Variants in CRACR2A observed in about 807,000 individuals in gnomAD.
CRACR2A encodes the protein EF-hand calcium-binding domain-containing protein 4B.
A neutral mutation model predicts 90.5 loss-of-function variants in CRACR2A; 79 were observed. The observed-to-expected ratio is 0.87, with a 90% CI of 0.73 to 1.05. The LOEUF is 1.05. Ranked by LOEUF, CRACR2A falls within the 50% of genes least tolerant of loss-of-function variation. CRACR2A has a pLI of 0.00. For missense variants in CRACR2A, 823 were observed against 897.2 expected, an observed-to-expected ratio of 0.92 and a Z score of 1.06; for synonymous variants, 338 against 356.7, an observed-to-expected ratio of 0.95 and a Z score of 0.59.
chr12:3,714,774 TAGAC>T (rs1225044409), intron 2 of CRACR2A, among the ~76,000 whole-genome samples: 1 of 152,192 alleles, frequency 6.6e-6, no homozygotes, highest in Non-Finnish European at 1.5e-5. Flanking sequence ...TTTGGACAAA[TAGAC>T]AGGGGCCAGA....
rs1565469888 is a variant in CRACR2A, at chr12:3,641,784, T to C, written c.1219A>G (p.Arg407Gly). ...TAASRASWKK[R>G]SGSVIGKYVD... Reference sequence around the variant, plus strand: ...TATTTGCCTATCACAGAGCCAGATCTCTTTTTCCAACTTGCCCTGGAAGCA... The same window carrying C: ...TATTTGCCTATCACAGAGCCAGATCCCTTTTTCCAACTTGCCCTGGAAGCA... Residue 407 changes from arginine to glycine, a missense_variant, in exon 13 of 20, where the codon AGA becomes GGA. Coordinates refer to ENST00000440314, the MANE Select transcript of CRACR2A (RefSeq NM_001144958.2). 6.4e-7 allele frequency: 1 copy of C among 1,551,732 alleles called. No individual in the cohort carries two copies. The highest frequency in any genetic ancestry group is 8.7e-7 in the Non-Finnish European group (1 of 1,146,990).
intron 4 of CRACR2A, among the ~76,000 whole-genome samples, chr12:3,684,140 G>A (rs997892914): frequency 6.6e-6 from 1 of 152,086 alleles, no homozygotes; most frequent in African/African-American, 2.4e-5. Flanking sequence ...CATTTTTATT[G>A]AGGAAAAAAT....
intron 10 of CRACR2A, among the ~76,000 whole-genome samples, chr12:3,653,931 CAT>C (rs1186168441): frequency 1.3e-5 from 2 of 152,154 alleles, no homozygotes; most frequent in African/African-American, 4.8e-5. Context: ...TGAGTAACCT[CAT>C]ATTTGTTTGC....
At chr12:3,662,643 C>T (rs1813342795) in intron 7 of CRACR2A, among the ~76,000 whole-genome samples, 1 of 152,152 alleles carries the variant, frequency 6.6e-6, no homozygotes, top group African/African-American at 2.4e-5. Context: ...TTTGGAAAGG[C>T]TGATGCAATT....
rs1945290301 is a variant in CRACR2A, at chr12:3,673,575, T to G, written c.542A>C (p.Gln181Pro). ...KVLEDESDVK[Q>P]LWLQLKKEEP... ...CTCCTTCTTCAGCTGCAACCAGAGC[T>G]GCTTGACATCACTTTCACTGCAAGA... is the stretch of plus-strand genomic sequence containing the variant. The change falls in exon 7 of 20, where the codon CAG becomes CCG. Residue 181 changes from glutamine to proline, a missense_variant. Gln to Pro is a moderately conservative substitution (Grantham distance 76). Coordinates refer to ENST00000440314, the MANE Select transcript of CRACR2A (RefSeq NM_001144958.2). 1 of 1,613,458 alleles carries G rather than the reference T, an allele frequency of 6.2e-7. No individual in the cohort carries two copies. The highest frequency in any genetic ancestry group is 1.3e-5 in the African/African-American group (1 of 74,902).
intron 3 of CRACR2A, among the ~76,000 whole-genome samples, chr12:3,702,548 T>C (rs242000): frequency 6.6e-6 from 1 of 151,964 alleles, no homozygotes; most frequent in South Asian, 2.1e-4. Flanking sequence ...CATTTGCAAT[T>C]GTATAAAAAT....
intron 1 of CRACR2A, among the ~76,000 whole-genome samples, chr12:3,750,089 C>T (rs1446876416): frequency 6.6e-6 from 1 of 151,832 alleles, no homozygotes; most frequent in Non-Finnish European, 1.5e-5. Context: ...GTGCCTGCCA[C>T]CAAGCCCAGC....
At chr12:3,749,428 TA>T (rs1946672354) in intron 1 of CRACR2A, among the ~76,000 whole-genome samples, 1 of 152,190 alleles carries the variant, frequency 6.6e-6, no homozygotes, top group Non-Finnish European at 1.5e-5. Context: ...TCCCAAAATA[TA>T]GGTCCCCAAA....
chr12:3,628,237 C>A (rs1944312629), intron 15 of CRACR2A, among the ~76,000 whole-genome samples: 1 of 150,130 alleles, frequency 6.7e-6, no homozygotes, highest in Admixed American at 6.7e-5. Flanking sequence ...CTCTTTCTTT[C>A]TTTCTTTCCT....
intron 3 of CRACR2A, among the ~76,000 whole-genome samples, chr12:3,701,448 CAA>C (rs1309589360): frequency 1.3e-5 from 2 of 151,982 alleles, no homozygotes; most frequent in African/African-American, 4.8e-5. Context: ...AATAAAGAGA[CAA>C]GACACAAATT....
At chr12:3,673,639 A>T in intron 6 of CRACR2A, 47 bp from the exon 7 acceptor site, 2 of 1,597,156 alleles carry the variant, frequency 1.3e-6, no homozygotes, top group South Asian at 1.1e-5. Flanking sequence ...ATGAGGCTTC[A>T]CGGGAAATAC....
In CRACR2A at chr12:3,641,777, C is replaced by T; in HGVS notation, c.1226G>A (p.Gly409Asp). The T allele has an allele frequency of 2.6e-6, 4 of 1,551,724 alleles. No individual in the cohort carries two copies. The highest frequency in any genetic ancestry group is 3.5e-6 in the Non-Finnish European group (4 of 1,146,996). ...ASRASWKKRS[G>D]SVIGKYVDSR... ...GTCCACATATTTGCCTATCACAGAG[C>T]CAGATCTCTTTTTCCAACTTGCCCT... The change falls in exon 13 of 20, where the codon GGC (glycine) becomes GAC (aspartate). Residue 409 changes from glycine to aspartate, a missense_variant. Physicochemically the swap from Gly to Asp is moderately conservative, Grantham distance 94. Coordinates refer to ENST00000440314, the MANE Select transcript of CRACR2A (RefSeq NM_001144958.2).
intron 17 of CRACR2A, among the ~76,000 whole-genome samples, chr12:3,624,223 T>C (rs1456753560): frequency 6.6e-6 from 1 of 152,200 alleles, no homozygotes; most frequent in Admixed American, 6.5e-5. Context: ...AGGGGGACTG[T>C]GAACAGCTGG....
At chr12:3,623,973 T>C (rs1376163382) in intron 17 of CRACR2A, among the ~76,000 whole-genome samples, 2 of 152,192 alleles carry the variant, frequency 1.3e-5, no homozygotes, top group African/African-American at 2.4e-5. Flanking sequence ...TCATACACTG[T>C]AGAAATTTAG....
Position 3,638,333 on chromosome 12 carries a change from G to T in CRACR2A, c.1393C>A (p.Pro465Thr). ...GAGATGATTCTGCGGAGCGGCCGGG[G>T]GTACGGACCCCCAGGCCCTGGCTCC... ...TGEPGPGGPY[P>T]RPLRRIISVE... The change falls in exon 14 of 20, where the codon CCC becomes ACC. Residue 465 changes from proline (P) to threonine (T), a missense_variant. Coordinates refer to ENST00000440314, the MANE Select transcript of CRACR2A (RefSeq NM_001144958.2). 6.4e-7 allele frequency: 1 copy of T among 1,551,194 alleles called. No individual in the cohort carries two copies. The highest frequency in any genetic ancestry group is 2.4e-5 in the East Asian group (1 of 40,904).
At chr12:3,654,655 T>C (rs1944866442) in intron 9 of CRACR2A, among the ~76,000 whole-genome samples, 1 of 152,168 alleles carries the variant, frequency 6.6e-6, no homozygotes, top group South Asian at 2.1e-4. Context: ...CAGGAGGAGC[T>C]GCTCCACTCA....
intron 2 of CRACR2A, among the ~76,000 whole-genome samples, chr12:3,724,471 G>C (rs1342831261): frequency 6.6e-6 from 1 of 152,206 alleles, no homozygotes; most frequent in Non-Finnish European, 1.5e-5. Context: ...CAAGATAGCT[G>C]GCTGGTTATT....
chr12:3,697,508 G>A (rs955740762), intron 3 of CRACR2A, among the ~76,000 whole-genome samples: 1 of 152,130 alleles, frequency 6.6e-6, no homozygotes, highest in East Asian at 1.9e-4. Flanking sequence ...GAGAGGTTGC[G>A]TGACTTGCCC....
At chr12:3,681,647 A>G (rs1945455441) in intron 4 of CRACR2A, among the ~76,000 whole-genome samples, 1 of 152,230 alleles carries the variant, frequency 6.6e-6, no homozygotes, top group Non-Finnish European at 1.5e-5. Flanking sequence ...CGAAATTGCC[A>G]GTGTGGAAGT....
Sources: allele counts gnomAD v4.1 joint callset (sites outside exome capture counted in the v4.1 genomes callset), GRCh38; gene constraint gnomAD v4.1.1; transcripts MANE v1.5; gene names NCBI Gene and HGNC (gene_info 2026-07-23, HGNC 2026-07-21).